CAST: variants seen among roughly 807,000 people sequenced by gnomAD.
The protein encoded by CAST is MIR583 host.
CAST carries 76 observed loss-of-function variants against 119.6 expected under a neutral mutation model. The ratio of observed to expected loss-of-function variants is 0.64; its 90% CI spans 0.53 to 0.77. The LOEUF (loss-of-function observed/expected upper bound fraction) is 0.77, where lower values mean the gene tolerates loss of function less well. Ranked by LOEUF, CAST falls within the 30% of genes least tolerant of loss-of-function variation. CAST has a pLI of 0.00. For synonymous variants in CAST, 319 were observed against 331.6 expected, an observed-to-expected ratio of 0.96 and a Z score of 0.41; for missense variants, 953 against 946.5, an observed-to-expected ratio of 1.01 and a Z score of -0.09.
the CAST span, among the ~76,000 whole-genome samples, chr5:96,490,132 C>T: frequency 6.6e-6 from 1 of 152,200 alleles, no homozygotes; most frequent in Admixed American, 6.5e-5. Context: ...TGTCAACACT[C>T]CCCTGCTTCT....
chr5:96,172,864 C>G, the CAST span, among the ~76,000 whole-genome samples: 1 of 152,210 alleles, frequency 6.6e-6, no homozygotes, highest in African/African-American at 2.4e-5. Flanking sequence ...AAGCCTCACT[C>G]CCACCATTTC....
the CAST span, among the ~76,000 whole-genome samples, chr5:96,080,798 T>G: frequency 1.3e-5 from 2 of 152,170 alleles, no homozygotes; most frequent in Non-Finnish European, 2.9e-5. Flanking sequence ...TGATTCACCC[T>G]AGGAGACTCA....
At chr5:96,743,639 C>T in intron 16 of CAST, 1 of 1,613,242 alleles carries the variant, frequency 6.2e-7, no homozygotes, top group South Asian at 1.1e-5. Context: ...GGGCCAGTTT[C>T]TATCTTCGAC....
chr5:96,545,182 A>G (rs999856615), intron 1 of CAST: 2 of 152,192 alleles, frequency 1.3e-5, no homozygotes, highest in African/African-American at 4.8e-5. Context: ...ATTGTTTTAT[A>G]TATTTTATCT....
chr5:96,111,921 A>G, the CAST span, among the ~76,000 whole-genome samples: 5 of 152,032 alleles, frequency 3.3e-5, no homozygotes, highest in Admixed American at 3.3e-4. Flanking sequence ...TGCTGGGGTT[A>G]CAAGCATGAG....
the CAST span, among the ~76,000 whole-genome samples, chr5:96,267,677 G>T: frequency 6.6e-6 from 1 of 151,898 alleles, no homozygotes; most frequent in Non-Finnish European, 1.5e-5. Flanking sequence ...ATGCTAAAGG[G>T]AAGATTTCAA....
the CAST span, among the ~76,000 whole-genome samples, chr5:96,409,768 G>GCATAA: frequency 1.3e-5 from 2 of 152,190 alleles, no homozygotes; most frequent in African/African-American, 4.8e-5. Context: ...AAACCCCTCG[G>GCATAA]TAGAATGCCA....
chr5:96,195,969 A>G, the CAST span, among the ~76,000 whole-genome samples: 1 of 152,166 alleles, frequency 6.6e-6, no homozygotes, highest in African/African-American at 2.4e-5. Flanking sequence ...GTTACATTCA[A>G]TAGTTAGAGT....
At position 96,727,484 on chromosome 5, in the gene CAST, C is replaced by T. The variant is rs1342626542; in HGVS notation, c.337-5C>T. The T allele has an allele frequency of 2.0e-6, 3 of 1,522,096 alleles. No homozygotes were observed. The highest frequency in any genetic ancestry group is 2.7e-6 in the Non-Finnish European group (3 of 1,113,826). The allele number at this position is 1,522,096 out of a possible 1,614,324, so 94.3% of individuals were successfully genotyped here. ...CTTTTTTTCTTTCTTTTTTTCTGAA[C>T]TTAGGCTGTAAAAACAGAACCTGAG... On this transcript the variant is annotated splice_polypyrimidine_tract_variant and splice_region_variant and intron_variant, in intron 5 of 31. Coordinates refer to ENST00000675179, the MANE Select transcript of CAST (RefSeq NM_001750.7).
the CAST span, among the ~76,000 whole-genome samples, chr5:96,495,953 A>G: frequency 6.6e-6 from 1 of 152,174 alleles, no homozygotes; most frequent in African/African-American, 2.4e-5. Context: ...TTGTCCTGAA[A>G]AAGAAAAGGC....
chr5:96,680,375 A>AAAAAAAAAAAAAAAAAAAC (rs1751246892), intron 2 of CAST, among the ~76,000 whole-genome samples: 1 of 124,800 alleles, frequency 8.0e-6, no homozygotes, highest in African/African-American at 3.3e-5. Context: ...AAAAAAAAAA[A>AAAAAAAAAAAAAAAAAAAC]AAAAGAAGAA....
the CAST span, among the ~76,000 whole-genome samples, chr5:96,018,168 A>G: frequency 6.6e-6 from 1 of 152,100 alleles, no homozygotes. Context: ...CATCCAACAC[A>G]TGTTTGCAAA....
chr5:96,459,703 C>G, the CAST span, among the ~76,000 whole-genome samples: 1 of 152,150 alleles, frequency 6.6e-6, no homozygotes, highest in East Asian at 1.9e-4. Flanking sequence ...TGTAGGCAAT[C>G]AGACCCAATA....
the CAST span, chr5:96,421,993 TA>T: frequency 0.054 from 18,704 of 349,510 alleles, 567 homozygotes; most frequent in African/African-American, 0.1. Context: ...GTGGCAGCAT[TA>T]AAAAAAAAAA....
At chr5:96,314,781 T>G in the CAST span, among the ~76,000 whole-genome samples, 1 of 152,224 alleles carries the variant, frequency 6.6e-6, no homozygotes, top group South Asian at 2.1e-4. Context: ...GTATCCTTCC[T>G]AGACGCTGAA....
the CAST span, among the ~76,000 whole-genome samples, chr5:96,353,954 C>T: frequency 6.6e-6 from 1 of 152,156 alleles, no homozygotes; most frequent in South Asian, 2.1e-4. Flanking sequence ...CTAATACCTG[C>T]TTTTCATATA....
chr5:96,490,858 G>T, the CAST span, among the ~76,000 whole-genome samples: 1 of 151,818 alleles, frequency 6.6e-6, no homozygotes, highest in East Asian at 1.9e-4. Flanking sequence ...GGATACAAAA[G>T]GTACCAGAAA....
the CAST span, chr5:96,421,823 A>G: frequency 1.0e-6 from 1 of 967,772 alleles, no homozygotes; most frequent in Non-Finnish European, 1.7e-6. Flanking sequence ...TAATTTTCTC[A>G]AACAAGATAA....
chr5:96,260,683 C>T, the CAST span, among the ~76,000 whole-genome samples: 1 of 152,174 alleles, frequency 6.6e-6, no homozygotes, highest in Non-Finnish European at 1.5e-5. Flanking sequence ...AACCAGTGAC[C>T]TGGAGACCAT....
Sources: allele counts gnomAD v4.1 joint callset (sites outside exome capture counted in the v4.1 genomes callset), GRCh38; gene constraint gnomAD v4.1.1; transcripts MANE v1.5; gene names NCBI Gene and HGNC (gene_info 2026-07-23, HGNC 2026-07-21).